EFHC1: variants seen among roughly 807,000 people sequenced by gnomAD.
EFHC1 encodes EF-hand domain containing 1.
EFHC1 carries 53 observed loss-of-function variants against 69.9 expected under a neutral mutation model. That is an observed-to-expected ratio of 0.76 (90% CI 0.61 to 0.95). The LOEUF is 0.95. Ranked by LOEUF, EFHC1 falls within the 40% of genes least tolerant of loss-of-function variation. The pLI is 0.00. For synonymous variants in EFHC1, 256 were observed against 278.4 expected (o/e 0.92, Z 0.80); for missense variants, 739 against 798.7 (o/e 0.93, Z 0.90).
chr6:52,458,601 G>T (rs930531544), intron 5 of EFHC1, among the ~76,000 whole-genome samples: 8 of 152,116 alleles, frequency 5.3e-5, no homozygotes, highest in African/African-American at 1.9e-4. Context: ...AGTCAGAATG[G>T]CTATTATTAA....
At chr6:52,474,772 T>C (rs1765510453) in intron 7 of EFHC1, among the ~76,000 whole-genome samples, 1 of 152,194 alleles carries the variant, frequency 6.6e-6, no homozygotes, top group Non-Finnish European at 1.5e-5. Context: ...ATGTAATTCA[T>C]TTATATGAAG....
In EFHC1 at chr6:52,495,232, G is replaced by T. The variant is rs901576744; in HGVS notation, c.*2891G>T. 1 of 453,934 alleles carries T rather than the reference G, an allele frequency of 2.2e-6. No individual in the cohort carries two copies. The highest frequency in any genetic ancestry group is 2.0e-5 in the African/African-American group (1 of 49,968). The allele number at this position is 453,934 out of a possible 1,614,324, so 28.1% of individuals were successfully genotyped here. A position where few individuals can be genotyped will look rare whatever the true frequency, so the allele number is the denominator to read the frequency against. On this transcript the variant is annotated 3_prime_UTR_variant, in exon 11 of 11. Coordinates refer to ENST00000371068, the MANE Select transcript of EFHC1 (RefSeq NM_018100.4). The stretch of plus-strand genomic sequence containing the variant: ...TAGGCAGCTCAATCCCTTTCCTTTA[G>T]ACTGTTTCAGGGGAGAACCAGGTAC...
At position 52,428,862 on chromosome 6, in the gene EFHC1, A is replaced by G. The variant is rs116387627; in HGVS notation, c.285+4695A>G. On this transcript the variant is annotated intron_variant, in intron 2 of 10. Coordinates refer to ENST00000371068, the MANE Select transcript of EFHC1 (RefSeq NM_018100.4). ...CATCCACACCAACATCTAATATTTTATGATGTTTTGATTATGGCCATTCTT... is the reference window on the plus strand; with the variant it reads ...CATCCACACCAACATCTAATATTTTGTGATGTTTTGATTATGGCCATTCTT... Among the ~76,000 whole-genome samples the G allele has an allele frequency of 5.5e-3, 844 of 152,220 alleles. 8 individuals carry two copies. Among genetic ancestry groups the G allele is most frequent in the African/African-American group, 0.019 (794 of 41,558 alleles).
chr6:52,463,507 AC>A (rs1432675947), intron 5 of EFHC1, among the ~76,000 whole-genome samples: 1 of 152,152 alleles, frequency 6.6e-6, no homozygotes, highest in East Asian at 1.9e-4. Context: ...CTTAACACAA[AC>A]CCTTTTAGAG....
In EFHC1 at chr6:52,452,682, A is replaced by G; in HGVS notation, c.574-6A>G. 1 of 1,613,968 alleles carries G rather than the reference A, an allele frequency of 6.2e-7. No individual in the cohort carries two copies. Among genetic ancestry groups the G allele is most frequent in the Non-Finnish European group, 8.5e-7 (1 of 1,179,876 alleles). ...AGATGATCATTGTTAACTTTCAATT[A>G]TTTAGGTATTTTTAGAAAGCCAAGG... is the stretch of plus-strand genomic sequence containing the variant. On this transcript the variant is annotated splice_polypyrimidine_tract_variant and splice_region_variant and intron_variant, in intron 3 of 10. Coordinates refer to ENST00000371068, the MANE Select transcript of EFHC1 (RefSeq NM_018100.4).
intron 3 of EFHC1, among the ~76,000 whole-genome samples, chr6:52,444,506 T>G (rs1764736371): frequency 6.6e-6 from 1 of 152,244 alleles, no homozygotes; most frequent in Admixed American, 6.5e-5. Flanking sequence ...GAAGGACTGT[T>G]GAATTTTGTC....
In EFHC1 at chr6:52,452,927, C is replaced by G. The variant is rs747263574; in HGVS notation, c.723+90C>G. The G allele has an allele frequency of 8.1e-6, 13 of 1,604,824 alleles. No individual in the cohort carries two copies. The East Asian group carries it at 8.9e-5, about 11-fold the overall frequency. On this transcript the variant is annotated intron_variant, in intron 4 of 10. Coordinates refer to ENST00000371068, the MANE Select transcript of EFHC1 (RefSeq NM_018100.4). ...AAGGTTTGGGTAGCTGTATTGGTAA[C>G]TATTTTGAAACATTACAGCTATAAT...
chr6:52,455,609 G>T (rs932192669), intron 5 of EFHC1, among the ~76,000 whole-genome samples: 4 of 151,806 alleles, frequency 2.6e-5, no homozygotes, highest in African/African-American at 4.8e-5. Flanking sequence ...AGCCAAGATC[G>T]TGCCACTGCA....
chr6:52,488,680 C>T (rs1765836318), intron 9 of EFHC1: 1 of 152,168 alleles, frequency 6.6e-6, no homozygotes, highest in South Asian at 2.1e-4. Context: ...CCATAGGTAA[C>T]TACCTCTTTC....
At chr6:52,458,412 A>C (rs1428242946) in intron 5 of EFHC1, among the ~76,000 whole-genome samples, 1 of 152,238 alleles carries the variant, frequency 6.6e-6, no homozygotes, top group African/African-American at 2.4e-5. Flanking sequence ...GCATTTGACA[A>C]ATGTCTAATA....
chr6:52,477,314 T>C (rs998029504), intron 7 of EFHC1, among the ~76,000 whole-genome samples: 2 of 152,200 alleles, frequency 1.3e-5, no homozygotes, highest in Non-Finnish European at 2.9e-5. Flanking sequence ...GAGAAAATTA[T>C]TTTACTAAGA....
At chr6:52,449,180 G>A (rs887945922) in intron 3 of EFHC1, among the ~76,000 whole-genome samples, 3 of 152,062 alleles carry the variant, frequency 2.0e-5, no homozygotes, top group Middle Eastern at 3.2e-3. Flanking sequence ...TCGGGAGATC[G>A]AGACCATCCT....
chr6:52,449,908 T>A (rs1383941739), intron 3 of EFHC1, among the ~76,000 whole-genome samples: 4 of 152,216 alleles, frequency 2.6e-5, no homozygotes, highest in Non-Finnish European at 5.9e-5. Flanking sequence ...ATTAGGTTGT[T>A]AATTTGAGAT....
chr6:52,456,947 C>T (rs1325881680), intron 5 of EFHC1, among the ~76,000 whole-genome samples: 1 of 152,030 alleles, frequency 6.6e-6, no homozygotes. Flanking sequence ...TCATGAGGTA[C>T]AGAAAAGGCT....
intron 6 of EFHC1, chr6:52,468,980 T>C: frequency 6.6e-6 from 2 of 304,456 alleles, no homozygotes; most frequent in South Asian, 6.9e-5. Flanking sequence ...TATAAAAAGA[T>C]TTTGTGGAGG....
At chr6:52,463,753 A>G (rs1368346795) in intron 5 of EFHC1, among the ~76,000 whole-genome samples, 1 of 152,222 alleles carries the variant, frequency 6.6e-6, no homozygotes, top group Non-Finnish European at 1.5e-5. Flanking sequence ...TACTAAAGGA[A>G]GTTAATATAA....
At chr6:52,450,479 G>T (rs1377394768) in intron 3 of EFHC1, among the ~76,000 whole-genome samples, 3 of 152,148 alleles carry the variant, frequency 2.0e-5, no homozygotes, top group Non-Finnish European at 2.9e-5. Flanking sequence ...TTATGAATCT[G>T]GGTGTTCCTG....
chr6:52,486,044 C>G (rs1765779496), intron 9 of EFHC1: 3 of 152,184 alleles, frequency 2.0e-5, no homozygotes, highest in Admixed American at 1.3e-4. Flanking sequence ...CTTAGCTATT[C>G]TGCGTTTAGC....
intron 5 of EFHC1, among the ~76,000 whole-genome samples, chr6:52,454,490 G>A (rs771636488): frequency 6.6e-5 from 10 of 152,080 alleles, no homozygotes; most frequent in Non-Finnish European, 1.0e-4. Flanking sequence ...TGGTACCCAG[G>A]TCAAGGAAAC....
Sources: allele counts gnomAD v4.1 joint callset (sites outside exome capture counted in the v4.1 genomes callset), GRCh38; gene constraint gnomAD v4.1.1; transcripts MANE v1.5; gene names NCBI Gene and HGNC (gene_info 2026-07-23, HGNC 2026-07-21).